The following LINC00305 variants were observed in gnomAD, a reference collection of about 807,000 sequenced individuals.
LINC00305 encodes long independently transcribed non-coding RNA 305.
intron 1 of LINC00305, among the ~76,000 whole-genome samples, chr18:64,140,741 T>TA (rs1023961561): frequency 5.9e-5 from 9 of 152,194 alleles, no homozygotes; most frequent in African/African-American, 2.2e-4. Flanking sequence ...CAGATGGCGT[T>TA]AAGGTTGCTA....
intron 1 of LINC00305, among the ~76,000 whole-genome samples, chr18:64,112,894 C>T (rs531664159): frequency 1.3e-5 from 2 of 152,258 alleles, no homozygotes; most frequent in South Asian, 4.1e-4. Context: ...TCTCCCCATC[C>T]CCCATACTCC....
At chr18:64,093,295 T>C (rs1020520851) in intron 3 of LINC00305, among the ~76,000 whole-genome samples, 6 of 152,230 alleles carry the variant, frequency 3.9e-5, no homozygotes, top group African/African-American at 1.4e-4. Context: ...TTAGCTGCTC[T>C]GGTTAGCAGT....
chr18:64,105,383 C>A (rs1308514586), intron 1 of LINC00305, among the ~76,000 whole-genome samples: 1 of 152,110 alleles, frequency 6.6e-6, no homozygotes, highest in Non-Finnish European at 1.5e-5. Context: ...ATCTCTTGAA[C>A]CTGGGAGACA....
intron 1 of LINC00305, among the ~76,000 whole-genome samples, chr18:64,112,075 G>A (rs767903939): frequency 6.6e-5 from 10 of 151,910 alleles, no homozygotes; most frequent in Non-Finnish European, 1.2e-4. Flanking sequence ...CTTATTTCTC[G>A]GATCAGCATG....
intron 3 of LINC00305, among the ~76,000 whole-genome samples, chr18:64,085,253 A>G (rs1335905358): frequency 6.6e-6 from 1 of 152,046 alleles, no homozygotes; most frequent in African/African-American, 2.4e-5. Flanking sequence ...TCCTATTCCT[A>G]TTCCTATTCT....
intron 1 of LINC00305, among the ~76,000 whole-genome samples, chr18:64,122,414 TTTTCC>T (rs2051366009): frequency 6.6e-6 from 1 of 152,150 alleles, no homozygotes; most frequent in Non-Finnish European, 1.5e-5. Flanking sequence ...GATGATCCAA[TTTTCC>T]CAGACTATTT....
intron 3 of LINC00305, among the ~76,000 whole-genome samples, chr18:64,096,905 T>C (rs1435528925): frequency 2.0e-5 from 3 of 151,880 alleles, no homozygotes; most frequent in Non-Finnish European, 4.4e-5. Flanking sequence ...AGTACAATAA[T>C]AATAATAATG....
At chr18:64,083,650 C>T (rs1255841495) in intron 3 of LINC00305, among the ~76,000 whole-genome samples, 1 of 152,250 alleles carries the variant, frequency 6.6e-6, no homozygotes, top group Admixed American at 6.5e-5. Flanking sequence ...GGAGCACGGG[C>T]CCCTTTTAAT....
chr18:64,133,663 A>G (rs1731906500), intron 1 of LINC00305, among the ~76,000 whole-genome samples: 1 of 152,164 alleles, frequency 6.6e-6, no homozygotes, highest in Non-Finnish European at 1.5e-5. Flanking sequence ...GCCTATTTCT[A>G]GAGCCAGTGA....
intron 1 of LINC00305, among the ~76,000 whole-genome samples, chr18:64,138,693 C>T (rs987907086): frequency 5.3e-5 from 8 of 152,046 alleles, no homozygotes; most frequent in African/African-American, 1.2e-4. Context: ...TATTCAGCAG[C>T]GGGTTTGGTG....
intron 1 of LINC00305, among the ~76,000 whole-genome samples, chr18:64,126,321 T>A (rs922939993): frequency 6.6e-6 from 1 of 152,116 alleles, no homozygotes; most frequent in Non-Finnish European, 1.5e-5. Context: ...TTCTATATTT[T>A]AAAAATTTTC....
intron 3 of LINC00305, among the ~76,000 whole-genome samples, chr18:64,081,491 C>T (rs541672791): frequency 6.6e-6 from 1 of 152,208 alleles, no homozygotes; most frequent in South Asian, 2.1e-4. Context: ...ACCAAAGTCA[C>T]AAAGGAAAAA....
At chr18:64,092,819 T>C (rs904253642) in intron 3 of LINC00305, among the ~76,000 whole-genome samples, 5 of 152,188 alleles carry the variant, frequency 3.3e-5, no homozygotes, top group Admixed American at 6.5e-5. Context: ...ATTTAAGAAA[T>C]GAGAAGCTGC....
At chr18:64,107,131 A>G (rs2051294542) in intron 1 of LINC00305, among the ~76,000 whole-genome samples, 1 of 152,238 alleles carries the variant, frequency 6.6e-6, no homozygotes, top group African/African-American at 2.4e-5. Context: ...CATGGAGAAA[A>G]GAGCTCAGAT....
At chr18:64,112,089 G>C (rs1386412363) in intron 1 of LINC00305, among the ~76,000 whole-genome samples, 1 of 152,128 alleles carries the variant, frequency 6.6e-6, no homozygotes, top group African/African-American at 2.4e-5. Flanking sequence ...CAGCATGCGT[G>C]TGACAGTCCT....
At chr18:64,114,065 C>T (rs1043085172) in intron 1 of LINC00305, among the ~76,000 whole-genome samples, 3 of 152,106 alleles carry the variant, frequency 2.0e-5, no homozygotes, top group Non-Finnish European at 2.9e-5. Flanking sequence ...ATCAGGAGAG[C>T]GAGACGATCC....
intron 3 of LINC00305, among the ~76,000 whole-genome samples, chr18:64,093,536 G>A (rs978982848): frequency 6.6e-6 from 1 of 152,124 alleles, no homozygotes; most frequent in African/African-American, 2.4e-5. Context: ...GTTTCACCAT[G>A]TTGGCCAGGT....
chr18:64,100,536 C>G (rs1196285628), intron 1 of LINC00305, among the ~76,000 whole-genome samples: 1 of 152,122 alleles, frequency 6.6e-6, no homozygotes, highest in Non-Finnish European at 1.5e-5. Context: ...CCCAATTTAC[C>G]CTACTTTTAC....
rs370516384 is a variant in LINC00305, at chr18:64,115,524, T to A, written n.315-16884A>T. Among the ~76,000 whole-genome samples the A allele has an allele frequency of 4.3e-4, 66 of 152,230 alleles. 2 individuals carry two copies. Among genetic ancestry groups the A allele is most frequent in the African/African-American group, 1.5e-3 (62 of 41,554 alleles). On this transcript the variant is annotated intron_variant and non_coding_transcript_variant, in intron 1 of 3. Coordinates refer to ENST00000666468, the Ensembl canonical transcript of LINC00305. ...GGAGGGGGAACGTGAGGGTGTCAGA[T>A]GGGACAGTGGAATGAGAACCCAAAG...
Sources: allele counts gnomAD v4.1 joint callset (sites outside exome capture counted in the v4.1 genomes callset), GRCh38; gene constraint gnomAD v4.1.1; transcripts MANE v1.5; gene names NCBI Gene and HGNC (gene_info 2026-07-23, HGNC 2026-07-21).